Variants in TOP1MT observed in about 807,000 individuals in gnomAD.
The protein encoded by TOP1MT is DNA topoisomerase I mitochondrial, also known as DNA topoisomerase I, mitochondrial.
TOP1MT carries 80 observed loss-of-function variants against 73.9 expected under a neutral mutation model. The observed-to-expected ratio is 1.08, with a 90% CI of 0.90 to 1.30. The LOEUF is 1.30. TOP1MT is among the 50% of genes most tolerant of loss of function. TOP1MT has a pLI of 0.00. For synonymous variants in TOP1MT, 338 were observed against 326.4 expected, an observed-to-expected ratio of 1.04 and a Z score of -0.38; for missense variants, 815 against 808.0, an observed-to-expected ratio of 1.01 and a Z score of -0.10.
At chr8:143,325,957 G>A (rs765182211) in intron 4 of TOP1MT, among the ~76,000 whole-genome samples, 3 of 152,186 alleles carry the variant, frequency 2.0e-5, no homozygotes, top group Admixed American at 6.5e-5. Context: ...CACAAGCCCC[G>A]CCCTCAGCCC....
At chr8:143,348,189 T>G (rs1817260451), upstream of TOP1MT, among the ~76,000 whole-genome samples, 1 of 152,022 alleles carries the variant, frequency 6.6e-6, no homozygotes, top group African/African-American at 2.4e-5. The surrounding 1 kb of genome is among the most constrained non-coding windows in gnomAD (Gnocchi z 4.6). Context: ...CCAGAGATAC[T>G]CCCACCAGCT....
chr8:143,347,923 G>A (rs1229291270), upstream of TOP1MT, among the ~76,000 whole-genome samples: 1 of 152,224 alleles, frequency 6.6e-6, no homozygotes, highest in Non-Finnish European at 1.5e-5. Flanking sequence ...CGCAGCTGTA[G>A]CAGCCAGGGG....
At chr8:143,326,464 A>C in intron 3 of TOP1MT, 120 bp from the exon 4 acceptor site, 1 of 1,377,218 alleles carries the variant, frequency 7.3e-7, no homozygotes, top group Non-Finnish European at 1.0e-6. Context: ...CGTGTGTGCA[A>C]TAGGCAGAAC....
At chr8:143,329,276 G>A in intron 3 of TOP1MT, 74 bp downstream of exon 3, 1 of 1,471,240 alleles carries the variant, frequency 6.8e-7, no homozygotes, top group Non-Finnish European at 9.0e-7. Flanking sequence ...GGCGTTCAGA[G>A]GCAGCACTGC....
chr8:143,320,899 G>A (rs774369155), intron 8 of TOP1MT, among the ~76,000 whole-genome samples: 9 of 152,210 alleles, frequency 5.9e-5, no homozygotes, highest in Non-Finnish European at 1.0e-4. Context: ...AAACCACTGG[G>A]TCTGCAGTGC....
chr8:143,322,046 CCACA>C (rs1395205540), intron 7 of TOP1MT, among the ~76,000 whole-genome samples: 6 of 95,316 alleles, frequency 6.3e-5, no homozygotes, highest in Admixed American at 1.2e-4. Context: ...CAGATGCATG[CCACA>C]CACACAGGCA....
At chr8:143,351,828 A>C (rs892978548) in intron 1 of TOP1MT, among the ~76,000 whole-genome samples, 1 of 152,208 alleles carries the variant, frequency 6.6e-6, no homozygotes, top group African/African-American at 2.4e-5. Context: ...TCATGCCTGT[A>C]ATCCCAGCAC....
At chr8:143,322,906 ACACG>A (rs1324901094) in intron 7 of TOP1MT, among the ~76,000 whole-genome samples, 2 of 77,376 alleles carry the variant, frequency 2.6e-5, no homozygotes, top group African/African-American at 7.2e-5. Flanking sequence ...CGCACGCCAC[ACACG>A]CACGCCACAC....
chr8:143,317,325 G>T (rs563268436), intron 10 of TOP1MT, among the ~76,000 whole-genome samples: 2 of 152,308 alleles, frequency 1.3e-5, no homozygotes, highest in East Asian at 3.9e-4. Context: ...ACAGGGCCGT[G>T]GACAGAGGCC....
chr8:143,340,750 A>G (rs1228221176), intron 2 of TOP1MT, among the ~76,000 whole-genome samples: 1 of 152,066 alleles, frequency 6.6e-6, no homozygotes, highest in Non-Finnish European at 1.5e-5. Flanking sequence ...CCTCTTCCCC[A>G]GCTTTGTCTG....
intron 1 of TOP1MT, among the ~76,000 whole-genome samples, chr8:143,332,018 C>T (rs535916439): frequency 9.2e-5 from 14 of 151,980 alleles, no homozygotes; most frequent in African/African-American, 3.4e-4. Flanking sequence ...GGTCCCCCTC[C>T]CCAGGGCGCC....
chr8:143,333,149 G>A (rs1056438071), intron 1 of TOP1MT, among the ~76,000 whole-genome samples: 13 of 151,614 alleles, frequency 8.6e-5, no homozygotes, highest in South Asian at 6.2e-4. Context: ...CGTGTATCTC[G>A]GAACTAACTG....
Position 143,310,077 on chromosome 8 carries a change from C to G in TOP1MT, c.1694G>C (p.Ser565Thr), listed in dbSNP as rs1220805388. 1 of 1,612,738 alleles carries G rather than the reference C, an allele frequency of 6.2e-7. No individual in the cohort carries two copies. Among genetic ancestry groups the G allele is most frequent in the Non-Finnish European group, 8.5e-7 (1 of 1,179,990 alleles). ...SKLNYLDPRI[S>T]IAWCKRFRVP... ...CCCCAGGCACACGCACCAGGCAATGCTGATCCTGGGGTCCAGGTAGTTGAG... is the reference window on the plus strand; with the variant it reads ...CCCCAGGCACACGCACCAGGCAATGGTGATCCTGGGGTCCAGGTAGTTGAG... Residue 565 changes from serine (S) to threonine (T), a missense_variant, in exon 13 of 14, where the codon AGC becomes ACC. Transcript: ENST00000329245.
intron 13 of TOP1MT, 177 bp downstream of exon 13, chr8:143,309,891 G>C: frequency 6.4e-7 from 1 of 1,564,014 alleles, no homozygotes; most frequent in Non-Finnish European, 8.6e-7. Flanking sequence ...CGAACGTTCA[G>C]GGCAGGGAGA....
At chr8:143,316,447 C>T (rs1203986403) in intron 10 of TOP1MT, among the ~76,000 whole-genome samples, 1 of 151,784 alleles carries the variant, frequency 6.6e-6, no homozygotes, top group African/African-American at 2.4e-5. Context: ...GTCCCCAGCA[C>T]CCGGCTTCCC....
At chr8:143,330,896 G>A (rs1432003940) in intron 2 of TOP1MT, among the ~76,000 whole-genome samples, 5 of 144,822 alleles carry the variant, frequency 3.5e-5, no homozygotes, top group African/African-American at 7.5e-5. Flanking sequence ...CGCAGTGTAC[G>A]TACTGTGTAT....
upstream of TOP1MT, among the ~76,000 whole-genome samples, chr8:143,346,096 A>T (rs1035730740): frequency 6.6e-6 from 1 of 152,084 alleles, no homozygotes; most frequent in Admixed American, 6.5e-5. Context: ...ATGTGTCTGT[A>T]AAGTTCACTT....
In TOP1MT at chr8:143,315,801, C is replaced by G; in HGVS notation, c.1479G>C (p.Gln493His). 5.0e-6 allele frequency: 8 copies of G among 1,613,870 alleles called. No individual in the cohort carries two copies. Among genetic ancestry groups the G allele is most frequent in the Non-Finnish European group, 6.8e-6 (8 of 1,180,024 alleles). ...TCAGCTCTGCCCTGGCCTCAGCCAC[C>G]TGCTCCTTCTTTGCCTGGATCTGCA... ...LQTKIQAKKE[Q>H]VAEARAELRR... Residue 493 changes from glutamine to histidine, a missense_variant, in exon 12 of 14, where the codon CAG becomes CAC. Around this residue, in one of 3 missense-constraint regions of TOP1MT, gnomAD observed 751 missense variants for 725.4 expected, o/e 1.04. Transcript: ENST00000329245.
intron 6 of TOP1MT, 76 bp downstream of exon 6, chr8:143,324,409 G>A (rs3812435): frequency 0.1 from 167,265 of 1,599,690 alleles, 9,432 homozygotes; most frequent in African/African-American, 0.19. Flanking sequence ...GCCGGTGCCC[G>A]GCTTACACAC....
Sources: allele counts gnomAD v4.1 joint callset (sites outside exome capture counted in the v4.1 genomes callset), GRCh38; gene constraint gnomAD v4.1.1; regional missense constraint gnomAD v4.1.1; non-coding constraint Gnocchi (gnomAD v3.1); transcripts MANE v1.5; gene names NCBI Gene and HGNC (gene_info 2026-07-23, HGNC 2026-07-21).